Variants in CRADD observed in about 807,000 individuals in gnomAD.
CRADD encodes the protein CARD and death domain containing adaptor protein.
A neutral mutation model predicts 15.5 loss-of-function variants in CRADD; 9 were observed. That is an observed-to-expected ratio of 0.58 (90% CI 0.35 to 1.01). The LOEUF (loss-of-function observed/expected upper bound fraction) is 1.01, where lower values mean the gene tolerates loss of function less well. CRADD is among the 50% of genes least tolerant of loss of function. The probability of loss-of-function intolerance (pLI) is 0.02; values close to 1 mark genes in which losing one functional copy is unlikely to be tolerated. For missense variants in CRADD, 227 were observed against 250.3 expected, an observed-to-expected ratio of 0.91 and a Z score of 0.63; for synonymous variants, 118 against 107.6, an observed-to-expected ratio of 1.10 and a Z score of -0.60.
At chr12:93,769,326 C>T (rs1377908474) in intron 2 of CRADD, among the ~76,000 whole-genome samples, 2 of 152,142 alleles carry the variant, frequency 1.3e-5, no homozygotes, top group Non-Finnish European at 2.9e-5. Flanking sequence ...TCAAGTGATC[C>T]ACTCGCCCCG....
intron 2 of CRADD, among the ~76,000 whole-genome samples, chr12:93,893,588 T>C (rs1021600061): frequency 6.6e-6 from 1 of 152,206 alleles, no homozygotes; most frequent in African/African-American, 2.4e-5. Context: ...GGCTAAATTC[T>C]TCAAAGGGAG....
intron 2 of CRADD, among the ~76,000 whole-genome samples, chr12:93,744,266 G>C (rs1474022163): frequency 6.6e-6 from 1 of 152,166 alleles, no homozygotes; most frequent in African/African-American, 2.4e-5. Context: ...GCAGAATTTA[G>C]TTCCATGTGG....
intron 2 of CRADD, among the ~76,000 whole-genome samples, chr12:93,823,934 C>T (rs560492783): frequency 6.6e-6 from 1 of 152,290 alleles, no homozygotes; most frequent in East Asian, 1.9e-4. Context: ...ACAGTTGAAG[C>T]AGCTTGGGAA....
chr12:93,854,582 T>A (rs1187044318), downstream of CRADD, among the ~76,000 whole-genome samples: 1 of 152,220 alleles, frequency 6.6e-6, no homozygotes, highest in Non-Finnish European at 1.5e-5. Flanking sequence ...CCAATATTTT[T>A]AAATTGAGAT....
At chr12:93,859,893 A>T (rs1958305838) in intron 2 of CRADD, among the ~76,000 whole-genome samples, 1 of 147,078 alleles carries the variant, frequency 6.8e-6, no homozygotes, top group Admixed American at 6.7e-5. Flanking sequence ...CGACCAGCTA[A>T]TTTTTTTTTT....
chr12:93,839,887 C>T (rs931878403), intron 2 of CRADD, among the ~76,000 whole-genome samples: 2 of 152,140 alleles, frequency 1.3e-5, no homozygotes, highest in African/African-American at 4.8e-5. Context: ...CTTCATTGAG[C>T]AGAAATCCGT....
chr12:93,846,756 G>A (rs1368277311), intron 2 of CRADD, among the ~76,000 whole-genome samples: 1 of 152,158 alleles, frequency 6.6e-6, no homozygotes, highest in Non-Finnish European at 1.5e-5. Flanking sequence ...ATGCAACCAT[G>A]TGACCCAGGA....
At chr12:93,677,671 G>T (rs937135973) in intron 1 of CRADD, 199 bp downstream of exon 1, 11 of 152,268 alleles carry the variant, frequency 7.2e-5, no homozygotes, top group African/African-American at 2.7e-4. Context: ...CCTCTTTAGC[G>T]GGTCAAGTTG....
At chr12:93,861,064 G>A (rs893139988) in intron 2 of CRADD, among the ~76,000 whole-genome samples, 1 of 152,142 alleles carries the variant, frequency 6.6e-6, no homozygotes, top group African/African-American at 2.4e-5. Context: ...AACAGAACTT[G>A]GCCAAGATTT....
chr12:93,864,091 G>T (rs1459640865), intron 2 of CRADD, among the ~76,000 whole-genome samples: 3 of 152,116 alleles, frequency 2.0e-5, no homozygotes, highest in African/African-American at 7.2e-5. Context: ...TAGAGACAAG[G>T]TGTTGCTCTG....
chr12:93,850,091 G>C lies in CRADD; in HGVS notation c.420G>C (p.Leu140=). The change falls in exon 3 of 3, where the codon CTG becomes CTC. Residue 140 remains leucine, a synonymous_variant. Coordinates refer to ENST00000332896, the MANE Select transcript of CRADD (RefSeq NM_003805.5). The surrounding 1 kb of genome is among the most constrained non-coding windows in gnomAD (Gnocchi z 4.0). ...EWEPMVLSLG[L]SQTDIYRCKA... ...AGCCCATGGTGCTGTCTCTGGGACTGTCCCAGACGGATATCTACCGCTGTA... is the reference window on the plus strand; with the variant it reads ...AGCCCATGGTGCTGTCTCTGGGACTCTCCCAGACGGATATCTACCGCTGTA... 3 of 1,613,940 alleles carry C rather than the reference G, an allele frequency of 1.9e-6. No individual in the cohort carries two copies. The highest frequency in any genetic ancestry group is 2.5e-6 in the Non-Finnish European group (3 of 1,179,800).
chr12:93,774,979 G>A (rs2136964824), intron 2 of CRADD, among the ~76,000 whole-genome samples: 1 of 152,236 alleles, frequency 6.6e-6, no homozygotes, highest in African/African-American at 2.4e-5. Context: ...ACAGTTTTTT[G>A]GGAATTTGAT....
At chr12:93,834,736 C>T (rs939749700) in intron 2 of CRADD, among the ~76,000 whole-genome samples, 2 of 152,224 alleles carry the variant, frequency 1.3e-5, no homozygotes, top group Non-Finnish European at 2.9e-5. Flanking sequence ...GATCCACCTG[C>T]CTCGGCCTCC....
At chr12:93,826,211 T>C (rs1334495048) in intron 2 of CRADD, among the ~76,000 whole-genome samples, 1 of 152,228 alleles carries the variant, frequency 6.6e-6, no homozygotes, top group Non-Finnish European at 1.5e-5. Context: ...TGTGGAAAGA[T>C]TTCTTTAATA....
chr12:93,741,905 G>A (rs1329002346), intron 2 of CRADD, among the ~76,000 whole-genome samples: 2 of 152,092 alleles, frequency 1.3e-5, no homozygotes, highest in Admixed American at 1.3e-4. Flanking sequence ...CAGCAACCTC[G>A]GCTTCTGAAC....
At chr12:93,882,471 A>C (rs1386174435) in intron 2 of CRADD, among the ~76,000 whole-genome samples, 7 of 151,334 alleles carry the variant, frequency 4.6e-5, no homozygotes, top group Non-Finnish European at 1.5e-5. Context: ...TATTATACAC[A>C]CATACACACA....
intron 2 of CRADD, among the ~76,000 whole-genome samples, chr12:93,764,735 T>G (rs201614174): frequency 3.4e-4 from 10 of 29,144 alleles, no homozygotes; most frequent in South Asian, 2.1e-3. Flanking sequence ...TATTTTTGGT[T>G]TTTTTTTTTT....
intron 2 of CRADD, among the ~76,000 whole-genome samples, chr12:93,702,457 A>G (rs1446504025): frequency 1.3e-5 from 2 of 151,926 alleles, no homozygotes; most frequent in East Asian, 3.9e-4. Context: ...AGAGACATTC[A>G]TTCTGTTTCT....
Position 93,679,059 on chromosome 12 carries a change from C to G in CRADD, c.285C>G (p.Thr95=), listed in dbSNP as rs570406056. 1 of 1,612,500 alleles carries G rather than the reference C, an allele frequency of 6.2e-7. No individual in the cohort carries two copies. Among genetic ancestry groups the G allele is most frequent in the South Asian group, 1.1e-5 (1 of 91,006 alleles). ...AGAAGGCAAGGGAAGAGGCCATGAC[C>G]GACCTGCCTGCAGGTAGGCCTCAGA... The part of the protein sequence containing the change: ...KLKKAREEAM[T]DLPAGDRLTG... The change falls in exon 2 of 3, where the codon ACC becomes ACG. Residue 95 remains threonine, a synonymous_variant. Transcript: ENST00000332896.
Sources: allele counts gnomAD v4.1 joint callset (sites outside exome capture counted in the v4.1 genomes callset), GRCh38; gene constraint gnomAD v4.1.1; non-coding constraint Gnocchi (gnomAD v3.1); transcripts MANE v1.5; gene names NCBI Gene and HGNC (gene_info 2026-07-23, HGNC 2026-07-21).